Variants in BCAS3 observed in about 807,000 individuals in gnomAD.
The protein encoded by BCAS3 is BCAS3 microtubule associated cell migration factor.
A neutral mutation model predicts 116.1 loss-of-function variants in BCAS3; 53 were observed. The observed-to-expected ratio is 0.46, with a 90% CI of 0.37 to 0.57. The LOEUF (loss-of-function observed/expected upper bound fraction) is 0.57. BCAS3 is among the 20% of genes least tolerant of loss of function. The pLI, the probability that BCAS3 is intolerant of heterozygous loss-of-function variation, is 0.00. For missense variants in BCAS3, 917 were observed against 1,165.4 expected, an observed-to-expected ratio of 0.79 and a Z score of 3.10; for synonymous variants, 391 against 408.2, an observed-to-expected ratio of 0.96 and a Z score of 0.51.
chr17:60,807,481 T>TA (rs1327741628), intron 6 of BCAS3, among the ~76,000 whole-genome samples: 2 of 151,856 alleles, frequency 1.3e-5, no homozygotes, highest in Admixed American at 6.6e-5. Context: ...AATTGAAACT[T>TA]AAAAAAAATG....
At chr17:61,115,265 C>T (rs539167810) in intron 22 of BCAS3, among the ~76,000 whole-genome samples, 1 of 152,286 alleles carries the variant, frequency 6.6e-6, no homozygotes, top group East Asian at 1.9e-4. Flanking sequence ...TAAAGAGCTT[C>T]TGCACAGCAA....
chr17:61,329,051 C>T (rs1310909922), intron 22 of BCAS3, among the ~76,000 whole-genome samples: 1 of 151,880 alleles, frequency 6.6e-6, no homozygotes, highest in African/African-American at 2.4e-5. Context: ...CCCACCACCA[C>T]GCCCGGCTAG....
intron 4 of BCAS3, among the ~76,000 whole-genome samples, chr17:60,697,286 C>T (rs995391979): frequency 2.6e-5 from 4 of 151,750 alleles, no homozygotes; most frequent in East Asian, 1.9e-4. Flanking sequence ...TTTGGCTGGG[C>T]GTGGTGGCTC....
intron 15 of BCAS3, among the ~76,000 whole-genome samples, chr17:60,992,191 CA>C (rs1568060050): frequency 9.6e-5 from 10 of 104,426 alleles, no homozygotes; most frequent in African/African-American, 3.6e-4. Context: ...CGATGACTTA[CA>C]CACACACACA....
intron 13 of BCAS3, among the ~76,000 whole-genome samples, chr17:60,936,790 T>G (rs1410352956): frequency 1.3e-5 from 2 of 152,202 alleles, no homozygotes; most frequent in African/African-American, 4.8e-5. Flanking sequence ...TTGCAAAAAT[T>G]TTCTCCCATT....
intron 7 of BCAS3, among the ~76,000 whole-genome samples, chr17:60,843,034 G>A (rs530708991): frequency 6.6e-6 from 1 of 151,726 alleles, no homozygotes; most frequent in South Asian, 2.1e-4. Context: ...ACCACACCCA[G>A]CTAATTTTTA....
At chr17:61,225,151 C>T (rs570541489) in intron 22 of BCAS3, among the ~76,000 whole-genome samples, 1 of 124,244 alleles carries the variant, frequency 8.0e-6, no homozygotes, top group Admixed American at 9.9e-5. Flanking sequence ...ATACAAGTAT[C>T]GCTCTGCCTT....
At chr17:60,976,259 C>T (rs1375730455) in intron 14 of BCAS3, among the ~76,000 whole-genome samples, 2 of 151,014 alleles carry the variant, frequency 1.3e-5, no homozygotes, top group Non-Finnish European at 1.5e-5. Context: ...CTCCTGACCT[C>T]GTGATCCACC....
intron 5 of BCAS3, among the ~76,000 whole-genome samples, chr17:60,719,310 A>G (rs1036585997): frequency 6.6e-6 from 1 of 152,220 alleles, no homozygotes; most frequent in Non-Finnish European, 1.5e-5. Flanking sequence ...AGCCTTTCAA[A>G]ACCTATAGTA....
chr17:60,888,225 AAAATG>A (rs1472129935), intron 9 of BCAS3, among the ~76,000 whole-genome samples: 1 of 152,234 alleles, frequency 6.6e-6, no homozygotes, highest in Admixed American at 6.5e-5. Context: ...ACGGACTCAA[AAAATG>A]AAATGAAGAA....
rs80054166 is a variant in BCAS3, at chr17:61,058,199, T to C, written c.2030-16721T>C. On this transcript the variant is annotated intron_variant, in intron 19 of 23. Coordinates refer to ENST00000407086, the MANE Select transcript of BCAS3 (RefSeq NM_017679.5). The stretch of plus-strand genomic sequence containing the variant: ...AAGGTTGGTGGGTGAGTGCCACAGA[T>C]TGTCTCTCTGCAGCTTCAGTCTCTT... Among the ~76,000 whole-genome samples the C allele has an allele frequency of 8.2e-4, 125 of 152,306 alleles. 2 individuals are homozygous for C. The East Asian group carries it at 0.015, about 18-fold the overall frequency.
At chr17:60,887,073 A>C (rs915120464) in intron 9 of BCAS3, 3 of 154,396 alleles carry the variant, frequency 1.9e-5, no homozygotes, top group Non-Finnish European at 4.3e-5. Context: ...TTGATCTCAG[A>C]CTGCTGTGCT....
intron 15 of BCAS3, among the ~76,000 whole-genome samples, chr17:61,001,131 A>G (rs1164558660): frequency 6.6e-6 from 1 of 152,060 alleles, no homozygotes; most frequent in Admixed American, 6.6e-5. Flanking sequence ...TCTTTGAGTC[A>G]CAGCTTTTGG....
In BCAS3 at chr17:61,361,202, AAAAAG is replaced by A. The variant is rs750686194; in HGVS notation, c.2426-7118_2426-7114del. Among the ~76,000 whole-genome samples the A allele has an allele frequency of 7.3e-5, 11 of 149,816 alleles. No individual in the cohort carries two copies. The highest frequency in any genetic ancestry group is 4.1e-4 in the South Asian group (2 of 4,822). ...GAGAGAGAAAAAGAATTAAAAAAAAAAAAAGAAAAGACCCAGACGGAGTAGCAACT... is the reference window on the plus strand; with the variant it reads ...GAGAGAGAAAAAGAATTAAAAAAAAAAAAAGACCCAGACGGAGTAGCAACT... On this transcript the variant is annotated intron_variant, in intron 22 of 23. Coordinates refer to ENST00000407086, the MANE Select transcript of BCAS3 (RefSeq NM_017679.5). This position sits in a 1 kb window ranked among gnomAD's most constrained non-coding sequence, Gnocchi z 6.5.
intron 4 of BCAS3, among the ~76,000 whole-genome samples, chr17:60,703,937 GAAAA>G (rs918524218): frequency 7.1e-6 from 1 of 140,136 alleles, no homozygotes; most frequent in Middle Eastern, 3.7e-3. Flanking sequence ...AAGAAAAAAA[GAAAA>G]AAAAAAGAAA....
Position 61,368,475 on chromosome 17 carries a change from C to T in BCAS3, c.2574C>T (p.Asp858=), listed in dbSNP as rs561160012. ...ADAMAESPSR[D]VVGSGTELQR... Reference sequence around the variant, plus strand: ...CCATGGCCGAGTCACCTAGCCGGGACGTCGTGGGATCCGGAACAGGTAAAG... The same window carrying T: ...CCATGGCCGAGTCACCTAGCCGGGATGTCGTGGGATCCGGAACAGGTAAAG... The change falls in exon 23 of 24, where the codon GAC becomes GAT. Residue 858 remains aspartate (D), a synonymous_variant. Coordinates refer to ENST00000407086, the MANE Select transcript of BCAS3 (RefSeq NM_017679.5). This position sits in a 1 kb window ranked among gnomAD's most constrained non-coding sequence, Gnocchi z 6.0. 7.5e-6 allele frequency: 12 copies of T among 1,607,594 alleles called. No individual in the cohort carries two copies. The highest frequency in any genetic ancestry group is 2.7e-5 in the African/African-American group (2 of 74,970).
rs35793672 is a variant in BCAS3 at position 61,262,382 on chromosome 17, CTTT to C, written c.2426-105932_2426-105930del. Among the ~76,000 whole-genome samples the C allele has an allele frequency of 1.1e-3, 153 of 143,480 alleles. No individual in the cohort carries two copies. In the Middle Eastern group the frequency reaches 0.011, roughly 10 times the overall value. The allele number at this position is 143,480 out of a possible 152,430, so 94.1% of individuals were successfully genotyped here. The stretch of plus-strand genomic sequence containing the variant: ...CATAACATATTCATAGATAGGGAGA[CTTT>C]TTTTTTTTTTTTGAGATATAATTCT... On this transcript the variant is annotated intron_variant, in intron 22 of 23. Transcript: ENST00000407086.
chr17:61,026,666 T>C lies in BCAS3; in HGVS notation c.1638-8000T>C, dbSNP rs544285652. Among the ~76,000 whole-genome samples, 3 of 152,008 alleles carry C rather than the reference T, an allele frequency of 2.0e-5. No individual in the cohort carries two copies. Among genetic ancestry groups the C allele is most frequent in the Non-Finnish European group, 2.9e-5 (2 of 67,922 alleles). On this transcript the variant is annotated intron_variant, in intron 16 of 23. Coordinates refer to ENST00000407086, the MANE Select transcript of BCAS3 (RefSeq NM_017679.5). The surrounding 1 kb of genome is among the most constrained non-coding windows in gnomAD (Gnocchi z 5.0). Reference sequence around the variant, plus strand: ...ATAGAAAATTTTGAATCTCTAACTCTGAAAATTAAGGGCCTTGTTACTACA... The same window carrying C: ...ATAGAAAATTTTGAATCTCTAACTCCGAAAATTAAGGGCCTTGTTACTACA...
intron 4 of BCAS3, 80 bp from the exon 5 acceptor site, chr17:60,709,139 G>C (rs1413420047): frequency 4.4e-6 from 3 of 685,522 alleles, no homozygotes; most frequent in Non-Finnish European, 7.7e-6. Context: ...ATTGAATCAG[G>C]CATTAAAGAA....
Sources: allele counts gnomAD v4.1 joint callset (sites outside exome capture counted in the v4.1 genomes callset), GRCh38; gene constraint gnomAD v4.1.1; non-coding constraint Gnocchi (gnomAD v3.1); transcripts MANE v1.5; gene names NCBI Gene and HGNC (gene_info 2026-07-23, HGNC 2026-07-21).